The following SULF1 variants were observed in gnomAD, a reference collection of about 807,000 sequenced individuals.
SULF1 encodes extracellular sulfatase Sulf-1.
Under a neutral mutation model 110.5 loss-of-function variants are expected in SULF1, and 46 were observed. The observed-to-expected ratio is 0.42, with a 90% CI of 0.33 to 0.53. The LOEUF (loss-of-function observed/expected upper bound fraction) is 0.53, where lower values mean the gene tolerates loss of function less well. Among genes scored for constraint, SULF1 ranks in the 20% least tolerant of loss-of-function variants. The pLI is 0.12. For synonymous variants in SULF1, 371 were observed against 387.1 expected, an observed-to-expected ratio of 0.96 and a Z score of 0.49; for missense variants, 941 against 1,094.2, an observed-to-expected ratio of 0.86 and a Z score of 1.98.
chr8:69,614,917 A>T (rs999914268), intron 13 of SULF1, among the ~76,000 whole-genome samples: 1 of 152,282 alleles, frequency 6.6e-6, no homozygotes, highest in Non-Finnish European at 1.5e-5. Flanking sequence ...TAAATCAGAC[A>T]GAAGGAGAAC....
At chr8:69,634,606 C>CA (rs959987958) in intron 19 of SULF1, among the ~76,000 whole-genome samples, 1 of 151,686 alleles carries the variant, frequency 6.6e-6, no homozygotes, top group African/African-American at 2.4e-5. Context: ...CTATCTCTAC[C>CA]AAAAAAATAT....
chr8:69,657,520 C>T (rs572156958), intron 22 of SULF1, among the ~76,000 whole-genome samples: 1 of 152,332 alleles, frequency 6.6e-6, no homozygotes, highest in South Asian at 2.1e-4. Context: ...ATCTTTGACT[C>T]CACTGACACT....
At chr8:69,535,458 A>G (rs1203506777) in intron 3 of SULF1, among the ~76,000 whole-genome samples, 1 of 150,984 alleles carries the variant, frequency 6.6e-6, no homozygotes, top group Non-Finnish European at 1.5e-5. Context: ...GAGGAGGTGC[A>G]ACTATTCCTG....
At chr8:69,628,777 A>C (rs1810296064) in intron 18 of SULF1, among the ~76,000 whole-genome samples, 1 of 152,228 alleles carries the variant, frequency 6.6e-6, no homozygotes, top group African/African-American at 2.4e-5. Flanking sequence ...GTTTAGTAGA[A>C]TTTGTCAAAG....
Position 69,560,023 on chromosome 8 carries a change from C to T in SULF1, c.-133-3516C>T, listed in dbSNP as rs141909378. Among the ~76,000 whole-genome samples the T allele has an allele frequency of 4.3e-3, 648 of 152,298 alleles. 5 individuals carry two copies. Among genetic ancestry groups the T allele is most frequent in the African/African-American group, 0.015 (615 of 41,554 alleles). Reference sequence around the variant, plus strand: ...AGAAATGTCAGCGCAGTGAAGAAAGCAAATAATGTGTCAGTATTCTTATCA... The same window carrying T: ...AGAAATGTCAGCGCAGTGAAGAAAGTAAATAATGTGTCAGTATTCTTATCA... On this transcript the variant is annotated intron_variant, in intron 3 of 22. Transcript: ENST00000402687.
intron 1 of SULF1, among the ~76,000 whole-genome samples, chr8:69,483,616 C>T (rs114283537): frequency 0.019 from 2,850 of 152,160 alleles, 95 homozygotes; most frequent in African/African-American, 0.064. Context: ...TATTATATTT[C>T]GCAATAGAAA....
intron 5 of SULF1, among the ~76,000 whole-genome samples, chr8:69,573,203 G>T (rs1023879845): frequency 6.6e-6 from 1 of 152,170 alleles, no homozygotes; most frequent in Non-Finnish European, 1.5e-5. Flanking sequence ...CTGTTGTCTT[G>T]GTTCCTTTTG....
At chr8:69,643,361 C>T (rs1030712810) in intron 22 of SULF1, among the ~76,000 whole-genome samples, 5 of 151,274 alleles carry the variant, frequency 3.3e-5, no homozygotes, top group African/African-American at 1.2e-4. Context: ...GATGGAGCCA[C>T]TTAGGAGGTT....
intron 10 of SULF1, 116 bp from the exon 11 acceptor site, chr8:69,603,076 A>G: frequency 7.0e-7 from 1 of 1,423,070 alleles, no homozygotes; most frequent in Non-Finnish European, 9.7e-7. Flanking sequence ...CTAGGAGACC[A>G]GATGAGAGGG....
chr8:69,646,999 C>T (rs1472333239), intron 22 of SULF1, among the ~76,000 whole-genome samples: 1 of 126,492 alleles, frequency 7.9e-6, no homozygotes. Context: ...GGCTGGAGTG[C>T]AGTGACACAA....
At chr8:69,585,619 T>C (rs1806397862) in intron 6 of SULF1, among the ~76,000 whole-genome samples, 1 of 152,198 alleles carries the variant, frequency 6.6e-6, no homozygotes, top group African/African-American at 2.4e-5. Context: ...GGCCTTCCAG[T>C]GGCTTTTTTA....
chr8:69,656,307 CGTT>C (rs1218578062), intron 22 of SULF1, among the ~76,000 whole-genome samples: 2 of 152,014 alleles, frequency 1.3e-5, no homozygotes, highest in East Asian at 3.9e-4. Flanking sequence ...TTGTTGTTGT[CGTT>C]GTTGTTTATT....
intron 5 of SULF1, among the ~76,000 whole-genome samples, chr8:69,567,517 C>T (rs140626444): frequency 6.6e-6 from 1 of 152,292 alleles, no homozygotes; most frequent in Non-Finnish European, 1.5e-5. Context: ...ATCCTGGCAA[C>T]TATCATTCTA....
intron 1 of SULF1, among the ~76,000 whole-genome samples, chr8:69,484,825 CTCTTCT>C (rs72313235): frequency 0.16 from 24,109 of 148,822 alleles, 2,196 homozygotes; most frequent in East Asian, 0.39. Context: ...TTTCATCTTC[CTCTTCT>C]TCTTCTTCTT....
At chr8:69,517,264 T>A (rs1811991760) in intron 3 of SULF1, among the ~76,000 whole-genome samples, 1 of 152,166 alleles carries the variant, frequency 6.6e-6, no homozygotes, top group Admixed American at 6.5e-5. Flanking sequence ...ATAATGGAAA[T>A]TATCTGTCCA....
intron 3 of SULF1, among the ~76,000 whole-genome samples, chr8:69,538,597 T>C (rs577201720): frequency 1.3e-5 from 2 of 152,354 alleles, no homozygotes; most frequent in Admixed American, 6.5e-5. Flanking sequence ...AGGGCAAAAA[T>C]TAGACCATGA....
At chr8:69,555,694 C>T (rs1045119638) in intron 3 of SULF1, among the ~76,000 whole-genome samples, 24 of 151,872 alleles carry the variant, frequency 1.6e-4, no homozygotes, top group Admixed American at 1.3e-3. Context: ...CTCTTGACTG[C>T]AGCTTCATTT....
chr8:69,500,493 G>T (rs780891973), intron 2 of SULF1, among the ~76,000 whole-genome samples: 3 of 152,210 alleles, frequency 2.0e-5, no homozygotes, highest in Non-Finnish European at 4.4e-5. Context: ...ACATCAGACT[G>T]TGCCAGCCTA....
rs1812897257 is a variant in SULF1 at position 69,658,615 on chromosome 8, A to C, written c.*80A>C. 1 of 1,146,966 alleles carries C rather than the reference A, an allele frequency of 8.7e-7. No individual in the cohort carries two copies. Among genetic ancestry groups the C allele is most frequent in the Middle Eastern group, 2.0e-4 (1 of 5,124 alleles). The allele number at this position is 1,146,966 out of a possible 1,614,324, so 71.0% of individuals were successfully genotyped here. A position where few individuals can be genotyped will look rare whatever the true frequency, so the allele number is the denominator to read the frequency against. On this transcript the variant is annotated 3_prime_UTR_variant, in exon 23 of 23. Coordinates refer to ENST00000402687, the MANE Select transcript of SULF1 (RefSeq NM_001128205.2). ...TGTGAATGAAAACATCTATGAGTAC[A>C]GACAAAACTACAGACTTAGTCTGGT...
Sources: gnomAD v4.1 joint callset for allele counts (sites outside exome capture counted in the v4.1 genomes callset) on GRCh38, gnomAD v4.1.1 for gene constraint, MANE v1.5 for transcripts, NCBI Gene and HGNC (gene_info 2026-07-23, HGNC 2026-07-21) for gene names.